SETBP1: variants seen among roughly 807,000 people sequenced by gnomAD.
SETBP1 encodes SET-binding protein.
In SETBP1, 9 loss-of-function variants were observed where a neutral mutation model predicts 101.0. The ratio of observed to expected loss-of-function variants is 0.09; its 90% CI spans 0.05 to 0.16. The LOEUF (loss-of-function observed/expected upper bound fraction) is 0.16, where lower values mean the gene tolerates loss of function less well. Among genes scored for constraint, SETBP1 ranks in the 10% least tolerant of loss-of-function variants. The pLI is 1.00. For missense variants in SETBP1, 1,858 were observed against 2,033.8 expected (o/e 0.91, Z 1.66); for synonymous variants, 818 against 788.5 (o/e 1.04, Z -0.63).
At chr18:44,982,024 A>T (rs1325503915) in intron 4 of SETBP1, among the ~76,000 whole-genome samples, 1 of 151,484 alleles carries the variant, frequency 6.6e-6, no homozygotes, top group Non-Finnish European at 1.5e-5. Context: ...TAGGAAGCAT[A>T]AAAAAACACC....
At chr18:44,935,963 T>A (rs2070947402) in intron 3 of SETBP1, among the ~76,000 whole-genome samples, 1 of 152,188 alleles carries the variant, frequency 6.6e-6, no homozygotes. Context: ...GAGACAAGAA[T>A]GTGTTATGTT....
At chr18:44,941,492 T>C (rs1408816408) in intron 3 of SETBP1, among the ~76,000 whole-genome samples, 1 of 152,152 alleles carries the variant, frequency 6.6e-6, no homozygotes, top group African/African-American at 2.4e-5. Context: ...GTGGTTTTCA[T>C]GGGTGTTTTT....
chr18:44,952,937 G>A lies in SETBP1; in HGVS notation c.3597G>A (p.Leu1199=), dbSNP rs535210203. ...GTAGCGCAGACAAAGAGCTCCCGCT[G>A]GTGAGTGAGAAGAACAAGCATAAGG... ...RLSSADKELP[L]VSEKNKHKEK... Residue 1199 remains leucine, a synonymous_variant, in exon 4 of 6, where the codon CTG becomes CTA. Coordinates refer to ENST00000649279, the MANE Select transcript of SETBP1 (RefSeq NM_015559.3). 1.9e-6 allele frequency: 3 copies of A among 1,614,156 alleles called. No individual in the cohort carries two copies. The highest frequency in any genetic ancestry group is 2.2e-5 in the East Asian group (1 of 44,874).
At chr18:44,963,337 T>C (rs1395337979) in intron 4 of SETBP1, among the ~76,000 whole-genome samples, 5 of 152,152 alleles carry the variant, frequency 3.3e-5, no homozygotes, top group Non-Finnish European at 7.4e-5. Flanking sequence ...GGGAGCTCTT[T>C]GGAACTGGGG....
intron 4 of SETBP1, among the ~76,000 whole-genome samples, chr18:44,960,258 G>A (rs1209454962): frequency 1.3e-5 from 2 of 152,132 alleles, no homozygotes; most frequent in Admixed American, 1.3e-4. Flanking sequence ...ATAAAGTGAG[G>A]AAAGAATATT....
intron 5 of SETBP1, among the ~76,000 whole-genome samples, chr18:45,053,130 GA>G (rs34663046): frequency 0.036 from 5,374 of 147,996 alleles, 169 homozygotes; most frequent in African/African-American, 0.092. Context: ...GTTGTTGGGG[GA>G]AAAAAAAAAT....
chr18:44,759,236 T>G (rs572526943), intron 2 of SETBP1, among the ~76,000 whole-genome samples: 1 of 152,322 alleles, frequency 6.6e-6, no homozygotes, highest in Admixed American at 6.5e-5. Flanking sequence ...TAGTGGTCCA[T>G]GAGCCGTGAG....
At chr18:44,922,120 GCTTGAAGTGGTTTC>G (rs1232908539) in intron 3 of SETBP1, among the ~76,000 whole-genome samples, 1 of 152,178 alleles carries the variant, frequency 6.6e-6, no homozygotes, top group Non-Finnish European at 1.5e-5. Flanking sequence ...AAATAAAGTG[GCTTGAAGTGGTTTC>G]CTTATTCTCC....
intron 3 of SETBP1, among the ~76,000 whole-genome samples, chr18:44,891,338 C>A (rs1242149746): frequency 6.6e-6 from 1 of 152,094 alleles, no homozygotes; most frequent in Non-Finnish European, 1.5e-5. Context: ...GAAACAGAAG[C>A]ACTCATATAT....
chr18:44,820,500 G>C (rs1450118666), intron 2 of SETBP1, among the ~76,000 whole-genome samples: 1 of 152,192 alleles, frequency 6.6e-6, no homozygotes, highest in Non-Finnish European at 1.5e-5. Flanking sequence ...GAATGGTGGT[G>C]GGTGGGGGAT....
intron 5 of SETBP1, 121 bp from the exon 6 acceptor site, chr18:45,062,958 C>A: frequency 1.5e-6 from 2 of 1,300,342 alleles, no homozygotes; most frequent in Non-Finnish European, 2.2e-6. Context: ...CGGAGACATA[C>A]CCATAGCATT....
intron 2 of SETBP1, among the ~76,000 whole-genome samples, chr18:44,728,529 T>C (rs960487845): frequency 2.6e-5 from 4 of 152,264 alleles, no homozygotes; most frequent in Non-Finnish European, 4.4e-5. Flanking sequence ...GTAGTCATTG[T>C]ACTCATCATT....
intron 2 of SETBP1, among the ~76,000 whole-genome samples, chr18:44,796,295 T>A (rs1007894445): frequency 1.3e-5 from 2 of 152,182 alleles, no homozygotes; most frequent in East Asian, 1.9e-4. Context: ...GGGAAAAGAA[T>A]TATATATATG....
rs2071345745 is a variant in SETBP1 at position 44,951,345 on chromosome 18, A to T, written c.2005A>T (p.Met669Leu). 6.2e-7 allele frequency: 1 copy of T among 1,613,984 alleles called. No homozygotes were observed. The highest frequency in any genetic ancestry group is 8.5e-7 in the Non-Finnish European group (1 of 1,180,040). ...GAAGACCATCAAAACTATCAATAAG[A>T]TGAAGACACTCAAGAGGAAAAACAT... ...DKKTIKTINK[M>L]KTLKRKNILN... The change falls in exon 4 of 6, where the codon ATG becomes TTG. Residue 669 changes from methionine (M) to leucine (L), a missense_variant. This residue lies in a region of SETBP1 where 111 missense variants were observed against 119.3 expected (regional missense o/e 0.93). Transcript: ENST00000649279. The surrounding 1 kb of genome is among the most constrained non-coding windows in gnomAD (Gnocchi z 7.8).
chr18:44,841,293 C>T (rs1023737703), intron 2 of SETBP1, among the ~76,000 whole-genome samples: 5 of 152,280 alleles, frequency 3.3e-5, no homozygotes, highest in African/African-American at 1.2e-4. Flanking sequence ...AGTTCTTCAG[C>T]GCATGGACTC....
At position 44,952,776 on chromosome 18, in the gene SETBP1, C is replaced by T. The variant is rs768536660; in HGVS notation, c.3436C>T (p.Arg1146Trp). 6.2e-6 allele frequency: 10 copies of T among 1,614,062 alleles called. No individual in the cohort carries two copies. Among genetic ancestry groups the T allele is most frequent in the Admixed American group, 1.7e-5 (1 of 59,996 alleles). ...KVGSASLSSG[R>W]LHKRKHKHKH... Reference sequence around the variant, plus strand: ...AGGCAGTGCCAGTCTGTCCAGTGGTCGGCTCCATAAGAGGAAACACAAACA... The same window carrying T: ...AGGCAGTGCCAGTCTGTCCAGTGGTTGGCTCCATAAGAGGAAACACAAACA... The change falls in exon 4 of 6, where the codon CGG (arginine) becomes TGG (tryptophan). Residue 1146 changes from arginine (R) to tryptophan (W), a missense_variant. This residue lies in a region of SETBP1 where 417 missense variants were observed against 389.1 expected (regional missense o/e 1.07). Transcript: ENST00000649279.
intron 5 of SETBP1, among the ~76,000 whole-genome samples, chr18:45,062,572 T>C (rs571658947): frequency 6.6e-6 from 1 of 152,344 alleles, no homozygotes; most frequent in East Asian, 1.9e-4. Flanking sequence ...ATGAGATCGA[T>C]AGTACATCTG....
At chr18:44,880,728 A>C (rs2069512041) in intron 3 of SETBP1, among the ~76,000 whole-genome samples, 1 of 152,114 alleles carries the variant, frequency 6.6e-6, no homozygotes, top group Non-Finnish European at 1.5e-5. Flanking sequence ...GAGGTGCCAC[A>C]TGTTTTAAAT....
intron 3 of SETBP1, among the ~76,000 whole-genome samples, chr18:44,925,147 A>G (rs558565878): frequency 5.4e-4 from 81 of 150,362 alleles, no homozygotes; most frequent in African/African-American, 1.8e-3. Context: ...TGTTGGGTAC[A>G]TACCCATGAG....
Sources: allele counts gnomAD v4.1 joint callset (sites outside exome capture counted in the v4.1 genomes callset), GRCh38; gene constraint gnomAD v4.1.1; regional missense constraint gnomAD v4.1.1; non-coding constraint Gnocchi (gnomAD v3.1); transcripts MANE v1.5; gene names NCBI Gene and HGNC (gene_info 2026-07-23, HGNC 2026-07-21).